The following ZNF730 variants were observed in gnomAD, a reference collection of about 807,000 sequenced individuals.
ZNF730 encodes zinc finger protein 730.
Under a neutral mutation model 12.6 loss-of-function variants are expected in ZNF730, and 12 were observed. That is an observed-to-expected ratio of 0.95 (90% CI 0.61 to 1.54). The LOEUF is 1.54. Among genes scored for constraint, ZNF730 ranks in the 40% most tolerant of loss-of-function variants. The pLI is 0.00. For synonymous variants in ZNF730, 194 were observed against 195.8 expected (o/e 0.99, Z 0.08); for missense variants, 643 against 583.5 (o/e 1.10, Z -1.05).
chr19:23,130,657 C>T (rs183437928), intron 1 of ZNF730, among the ~76,000 whole-genome samples: 10 of 151,104 alleles, frequency 6.6e-5, no homozygotes, highest in East Asian at 5.8e-4. Flanking sequence ...TAAAATTATC[C>T]GCGGAAACCT....
At chr19:23,095,747 T>C (rs557877339) in intron 1 of ZNF730, 20 of 297,860 alleles carry the variant, frequency 6.7e-5, no homozygotes, top group South Asian at 1.6e-4. Flanking sequence ...TATGTGACTC[T>C]CCTCTCTTAC....
At chr19:23,140,126 A>T (rs1219498945) in intron 3 of ZNF730, among the ~76,000 whole-genome samples, 1 of 151,894 alleles carries the variant, frequency 6.6e-6, no homozygotes, top group Admixed American at 6.6e-5. Flanking sequence ...TGGTTATGGC[A>T]CATCTTATAT....
intron 1 of ZNF730, among the ~76,000 whole-genome samples, chr19:23,121,834 A>G (rs1970603126): frequency 6.6e-6 from 1 of 152,232 alleles, no homozygotes. Context: ...TGTAGAAAAA[A>G]GTATAAATTA....
intron 1 of ZNF730, among the ~76,000 whole-genome samples, chr19:23,094,009 C>T (rs941543654): frequency 1.3e-5 from 2 of 152,162 alleles, no homozygotes; most frequent in Non-Finnish European, 1.5e-5. Context: ...GGGCTCTCGC[C>T]GGGGTCAGAA....
At chr19:23,085,655 C>T (rs1017730572) in intron 1 of ZNF730, among the ~76,000 whole-genome samples, 3 of 148,526 alleles carry the variant, frequency 2.0e-5, no homozygotes, top group African/African-American at 7.5e-5. Context: ...GGATTACAGG[C>T]TCCCACCACC....
chr19:23,117,206 A>C, intron 1 of ZNF730, 30 bp downstream of exon 1: 1 of 1,613,580 alleles, frequency 6.2e-7, no homozygotes, highest in South Asian at 1.1e-5. Flanking sequence ...ATCCCGAGAG[A>C]GGGAACGGGG....
chr19:23,145,280 C>T lies in ZNF730; in HGVS notation c.236C>T (p.Ser79Phe). ...TTTTTATTTCTTTCAGTTATATGTT[C>T]TCATATTGCCCAAGACCTTTGGCCA... The part of the protein sequence containing the change: ...DMVAKPPVIC[S>F]HIAQDLWPEQ... Residue 79 changes from serine (S) to phenylalanine (F), a missense_variant, in exon 4 of 4, where the codon TCT (serine) becomes TTT (phenylalanine). Transcript: ENST00000597761. The T allele has an allele frequency of 6.6e-7, 1 of 1,524,658 alleles. No individual in the cohort carries two copies. The highest frequency in any genetic ancestry group is 1.8e-4 in the Middle Eastern group (1 of 5,698). 94.4% of individuals were successfully genotyped at this position (1,524,658 alleles called of 1,614,324 possible).
intron 1 of ZNF730, among the ~76,000 whole-genome samples, chr19:23,105,847 T>G (rs933455300): frequency 6.6e-5 from 10 of 152,210 alleles, no homozygotes; most frequent in Admixed American, 5.9e-4. Context: ...AATAGCATCC[T>G]AGTTGTCAAC....
intron 1 of ZNF730, among the ~76,000 whole-genome samples, chr19:23,079,711 G>A (rs1487344532): frequency 6.6e-6 from 1 of 152,086 alleles, no homozygotes; most frequent in Non-Finnish European, 1.5e-5. Flanking sequence ...GGAGGTTAGA[G>A]ATGATTTTTG....
intron 1 of ZNF730, among the ~76,000 whole-genome samples, chr19:23,132,502 A>G (rs1233394194): frequency 6.6e-6 from 1 of 152,164 alleles, no homozygotes; most frequent in African/African-American, 2.4e-5. Flanking sequence ...TTTCTTTCCT[A>G]TGTACCAGAG....
At chr19:23,122,962 C>G (rs533885814) in intron 1 of ZNF730, among the ~76,000 whole-genome samples, 1 of 152,218 alleles carries the variant, frequency 6.6e-6, no homozygotes, top group South Asian at 2.1e-4. Flanking sequence ...AAAATTGTTA[C>G]AGTTGTTATT....
intron 1 of ZNF730, among the ~76,000 whole-genome samples, chr19:23,083,281 A>G (rs910198664): frequency 4.0e-5 from 6 of 151,838 alleles, no homozygotes; most frequent in Non-Finnish European, 5.9e-5. Context: ...AAAATTAGCC[A>G]GGCATGGTGG....
upstream of ZNF730, among the ~76,000 whole-genome samples, chr19:23,114,916 C>T (rs1970500115): frequency 6.6e-6 from 1 of 152,074 alleles, no homozygotes; most frequent in Admixed American, 6.6e-5. Context: ...CACAGAGTAC[C>T]TCGGACTACA....
chr19:23,095,848 GGA>G (rs1369322261), intron 1 of ZNF730, among the ~76,000 whole-genome samples: 1 of 152,156 alleles, frequency 6.6e-6, no homozygotes, highest in Non-Finnish European at 1.5e-5. Flanking sequence ...TTTGCCTACA[GGA>G]GAGAGAGTGA....
intron 1 of ZNF730, among the ~76,000 whole-genome samples, chr19:23,130,233 A>G (rs955072728): frequency 6.6e-6 from 1 of 152,040 alleles, no homozygotes; most frequent in Non-Finnish European, 1.5e-5. Flanking sequence ...GAACTTCAGA[A>G]TATATAATGG....
chr19:23,125,510 A>G (rs1386223582), intron 1 of ZNF730, among the ~76,000 whole-genome samples: 2 of 152,144 alleles, frequency 1.3e-5, no homozygotes, highest in Non-Finnish European at 2.9e-5. Flanking sequence ...GACTTTTCTT[A>G]TGTTTTAGCA....
chr19:23,097,829 G>A (rs1043782347), intron 1 of ZNF730, among the ~76,000 whole-genome samples: 1 of 152,068 alleles, frequency 6.6e-6, no homozygotes, highest in African/African-American at 2.4e-5. Flanking sequence ...CTTCTCCACC[G>A]CTTGGACTCT....
Position 23,146,264 on chromosome 19 carries a change from G to T in ZNF730, c.1220G>T (p.Arg407Leu), listed in dbSNP as rs538045095. 1 of 1,610,252 alleles carries T rather than the reference G, an allele frequency of 6.2e-7. No homozygotes were observed. The highest frequency in any genetic ancestry group is 1.3e-5 in the African/African-American group (1 of 74,074). ...KCEECGKAFS[R>L]ISHLTTHKRI... ...GAAGAATGTGGCAAAGCCTTTAGCC[G>T]TATCTCACACCTTACTACACATAAG... The change falls in exon 4 of 4, where the codon CGT (arginine) becomes CTT (leucine). Residue 407 changes from arginine to leucine, a missense_variant. Physicochemically the swap from Arg to Leu is moderately radical, Grantham distance 102. Transcript: ENST00000597761.
At chr19:23,106,805 A>G (rs1444394260) in intron 1 of ZNF730, among the ~76,000 whole-genome samples, 1 of 152,088 alleles carries the variant, frequency 6.6e-6, no homozygotes, top group Non-Finnish European at 1.5e-5. Flanking sequence ...AAAAAAAAAA[A>G]AAAAGGTTGG....
Sources: gnomAD v4.1 joint callset for allele counts (sites outside exome capture counted in the v4.1 genomes callset) on GRCh38, gnomAD v4.1.1 for gene constraint, MANE v1.5 for transcripts, NCBI Gene and HGNC (gene_info 2026-07-23, HGNC 2026-07-21) for gene names.